The following MAN1A2 variants were observed in gnomAD, a reference collection of about 807,000 sequenced individuals.
The protein encoded by MAN1A2 is mannosidase alpha class 1A member 2, also known as mannosyl-oligosaccharide 1,2-alpha-mannosidase IB.
In MAN1A2, 26 loss-of-function variants were observed where a neutral mutation model predicts 75.7. That is an observed-to-expected ratio of 0.34 (90% CI 0.25 to 0.48). MAN1A2 has a LOEUF of 0.48. Ranked by LOEUF, MAN1A2 falls within the 20% of genes least tolerant of loss-of-function variation. The pLI, the probability that MAN1A2 is intolerant of heterozygous loss-of-function variation, is 0.99. For missense variants in MAN1A2, 562 were observed against 775.5 expected, an observed-to-expected ratio of 0.72 and a Z score of 3.27; for synonymous variants, 247 against 264.6, an observed-to-expected ratio of 0.93 and a Z score of 0.65.
chr1:117,374,489 A>G (rs1653078104), intron 1 of MAN1A2, among the ~76,000 whole-genome samples: 2 of 152,094 alleles, frequency 1.3e-5, no homozygotes, highest in African/African-American at 4.8e-5. Context: ...TTTTATTTTC[A>G]GATTGGGTAT....
intron 6 of MAN1A2, among the ~76,000 whole-genome samples, chr1:117,460,285 C>T (rs1434692992): frequency 6.6e-6 from 1 of 152,112 alleles, no homozygotes; most frequent in Non-Finnish European, 1.5e-5. Context: ...AATGTATTTA[C>T]TGGATTTAAA....
intron 10 of MAN1A2, among the ~76,000 whole-genome samples, chr1:117,497,654 A>G (rs2101877717): frequency 6.6e-6 from 1 of 151,990 alleles, no homozygotes; most frequent in East Asian, 1.9e-4. Flanking sequence ...ATAGATACAC[A>G]GTATATATTT....
At chr1:117,501,428 G>A (rs1651197755) in intron 11 of MAN1A2, among the ~76,000 whole-genome samples, 1 of 151,776 alleles carries the variant, frequency 6.6e-6, no homozygotes, top group South Asian at 2.1e-4. Flanking sequence ...GCAAAGGGAA[G>A]GCTGGGTGAG....
chr1:117,504,176 A>G (rs1651281359), intron 12 of MAN1A2, among the ~76,000 whole-genome samples: 1 of 151,492 alleles, frequency 6.6e-6, no homozygotes, highest in Non-Finnish European at 1.5e-5. Flanking sequence ...GCACTAGACT[A>G]GAAAATAAAG....
rs143469351 is a variant in MAN1A2, at chr1:117,450,003, C to T, written c.950+7678C>T. 8.2e-3 allele frequency among the ~76,000 whole-genome samples: 1,254 copies of T among 152,166 alleles called. 12 individuals are homozygous for T. Among genetic ancestry groups the T allele is most frequent in the African/African-American group, 0.027 (1,134 of 41,534 alleles). ...AGCAAGTACCAGTAGAGTGGGACAT[C>T]GCTGAAAAGATGCCTGAAAATGTGG... On this transcript the variant is annotated intron_variant, in intron 6 of 12. Transcript: ENST00000356554.
chr1:117,496,407 T>C (rs957982397), intron 9 of MAN1A2, among the ~76,000 whole-genome samples: 8 of 152,112 alleles, frequency 5.3e-5, no homozygotes, highest in African/African-American at 1.9e-4. Context: ...TATGTTCCAG[T>C]AGGGTAGACA....
chr1:117,398,651 G>A (rs780666044), intron 1 of MAN1A2, among the ~76,000 whole-genome samples: 6 of 150,672 alleles, frequency 4.0e-5, no homozygotes, highest in Non-Finnish European at 7.4e-5. Flanking sequence ...TACAGCCTGG[G>A]TGACAGAGGG....
At chr1:117,410,824 A>G (rs894112148) in intron 3 of MAN1A2, among the ~76,000 whole-genome samples, 10 of 151,800 alleles carry the variant, frequency 6.6e-5, no homozygotes, top group Non-Finnish European at 1.3e-4. Context: ...ACAAACAGTT[A>G]TAAACACAGT....
chr1:117,422,722 G>T (rs541321315), intron 5 of MAN1A2, among the ~76,000 whole-genome samples: 1 of 151,862 alleles, frequency 6.6e-6, no homozygotes, highest in Non-Finnish European at 1.5e-5. Context: ...TGTATTTTTT[G>T]AATTAGCTGC....
chr1:117,519,761 T>C (rs935125832), intron 12 of MAN1A2, among the ~76,000 whole-genome samples: 1 of 151,846 alleles, frequency 6.6e-6, no homozygotes, highest in Non-Finnish European at 1.5e-5. Flanking sequence ...CTAAGAAGAA[T>C]TGGTACCAAT....
intron 6 of MAN1A2, among the ~76,000 whole-genome samples, chr1:117,450,382 C>G (rs1342682432): frequency 9.9e-5 from 15 of 152,104 alleles, no homozygotes; most frequent in Admixed American, 9.8e-4. Flanking sequence ...TAAAGGCATT[C>G]AGTTTTATAA....
chr1:117,425,647 G>A (rs544290232), intron 5 of MAN1A2, among the ~76,000 whole-genome samples: 40 of 152,220 alleles, frequency 2.6e-4, no homozygotes, highest in African/African-American at 6.7e-4. Context: ...AACATGTAAC[G>A]TCTATTCATG....
Position 117,451,849 on chromosome 1 carries a change from A to G in MAN1A2, c.951-8640A>G, listed in dbSNP as rs145582062. On this transcript the variant is annotated intron_variant, in intron 6 of 12. Coordinates refer to ENST00000356554, the MANE Select transcript of MAN1A2 (RefSeq NM_006699.5). ...CAGTGTGAAAATGGACTAATGCAGCATGATGGTGCATGCCTGTAGCCCCAG... is the reference window on the plus strand; with the variant it reads ...CAGTGTGAAAATGGACTAATGCAGCGTGATGGTGCATGCCTGTAGCCCCAG... Among the ~76,000 whole-genome samples, 369 of 152,270 alleles carry G rather than the reference A, an allele frequency of 2.4e-3. 3 individuals carry two copies. The highest frequency in any genetic ancestry group is 8.5e-3 in the African/African-American group (352 of 41,546).
chr1:117,426,508 C>T (rs1019238839), intron 5 of MAN1A2, among the ~76,000 whole-genome samples: 12 of 152,098 alleles, frequency 7.9e-5, no homozygotes, highest in African/African-American at 2.9e-4. Context: ...GTTGAAAATG[C>T]ATTTAGTACA....
chr1:117,521,658 A>G (rs1303236235), intron 12 of MAN1A2, among the ~76,000 whole-genome samples: 1 of 152,042 alleles, frequency 6.6e-6, no homozygotes, highest in African/African-American at 2.4e-5. Context: ...CATTTGATCC[A>G]GCAATCCCAC....
chr1:117,462,736 C>T (rs1165087326), intron 7 of MAN1A2, among the ~76,000 whole-genome samples: 1 of 152,106 alleles, frequency 6.6e-6, no homozygotes, highest in Non-Finnish European at 1.5e-5. Context: ...ATTTTTGGAG[C>T]TGGTGTTATG....
At chr1:117,485,870 A>G (rs934629330) in intron 8 of MAN1A2, among the ~76,000 whole-genome samples, 7 of 151,672 alleles carry the variant, frequency 4.6e-5, no homozygotes, top group African/African-American at 1.7e-4. Flanking sequence ...ATTCTGAAAC[A>G]AAGCCTACCA....
At chr1:117,503,248 G>A (rs1004134741) in intron 12 of MAN1A2, among the ~76,000 whole-genome samples, 10 of 151,416 alleles carry the variant, frequency 6.6e-5, no homozygotes, top group African/African-American at 2.4e-4. Context: ...GTAATACACA[G>A]GTAACTAGGT....
At chr1:117,431,184 C>T (rs1326550237) in intron 5 of MAN1A2, among the ~76,000 whole-genome samples, 1 of 66,420 alleles carries the variant, frequency 1.5e-5, no homozygotes, top group Non-Finnish European at 2.7e-5. Flanking sequence ...GAGAGGGAGA[C>T]CGTGGGGAGA....
Sources: allele counts gnomAD v4.1 joint callset (sites outside exome capture counted in the v4.1 genomes callset), GRCh38; gene constraint gnomAD v4.1.1; transcripts MANE v1.5; gene names NCBI Gene and HGNC (gene_info 2026-07-23, HGNC 2026-07-21).